Variants in NXPE4 observed in about 807,000 individuals in gnomAD.
NXPE4 encodes NXPE family member 4.
A neutral mutation model predicts 33.3 loss-of-function variants in NXPE4; 42 were observed. The ratio of observed to expected loss-of-function variants is 1.26; its 90% CI spans 0.98 to 1.63. NXPE4 has a LOEUF of 1.63. NXPE4 is among the 40% of genes most tolerant of loss of function. The pLI, the probability that NXPE4 is intolerant of heterozygous loss-of-function variation, is 0.00. For missense variants in NXPE4, 709 were observed against 647.6 expected, an observed-to-expected ratio of 1.09 and a Z score of -1.03; for synonymous variants, 253 against 234.9, an observed-to-expected ratio of 1.08 and a Z score of -0.71.
chr11:114,626,406 A>G, the NXPE4 span, among the ~76,000 whole-genome samples: 4 of 152,204 alleles, frequency 2.6e-5, no homozygotes, highest in Non-Finnish European at 4.4e-5. Flanking sequence ...GCACCCCCCA[A>G]CAGGGGCAGA....
At chr11:114,664,657 T>C in the NXPE4 span, among the ~76,000 whole-genome samples, 2 of 152,124 alleles carry the variant, frequency 1.3e-5, no homozygotes. Context: ...CCCCAACTTG[T>C]GAGGGTTTGA....
chr11:114,577,043 A>C (rs1486425855), intron 5 of NXPE4, among the ~76,000 whole-genome samples: 7 of 30,078 alleles, frequency 2.3e-4, no homozygotes, highest in Non-Finnish European at 4.4e-4. Context: ...ATATATATAA[A>C]GTTATATATA....
chr11:114,631,927 G>A, the NXPE4 span, among the ~76,000 whole-genome samples: 45 of 150,952 alleles, frequency 3.0e-4, no homozygotes, highest in African/African-American at 1.1e-3. Context: ...GTTACCCGGT[G>A]GATAATAAAT....
At chr11:114,618,483 TAA>T in the NXPE4 span, among the ~76,000 whole-genome samples, 1 of 152,026 alleles carries the variant, frequency 6.6e-6, no homozygotes, top group South Asian at 2.1e-4. Context: ...CTGTGGATAA[TAA>T]GTGTTGCCTC....
the NXPE4 span, among the ~76,000 whole-genome samples, chr11:114,662,711 C>T: frequency 6.6e-6 from 1 of 152,122 alleles, no homozygotes; most frequent in Non-Finnish European, 1.5e-5. Flanking sequence ...CCAGCTCAGT[C>T]ACAGCAGGAT....
chr11:114,614,258 T>G, the NXPE4 span, among the ~76,000 whole-genome samples: 4 of 151,484 alleles, frequency 2.6e-5, no homozygotes, highest in Non-Finnish European at 5.9e-5. Flanking sequence ...CTGTGGATAG[T>G]AAGTATTGCT....
At chr11:114,599,858 A>G (rs1268615105), upstream of NXPE4, among the ~76,000 whole-genome samples, 2 of 152,194 alleles carry the variant, frequency 1.3e-5, no homozygotes, top group South Asian at 2.1e-4. Flanking sequence ...ACTGGGGATT[A>G]GAATTCAACA....
the NXPE4 span, among the ~76,000 whole-genome samples, chr11:114,665,523 G>C: frequency 6.6e-6 from 1 of 152,146 alleles, no homozygotes; most frequent in African/African-American, 2.4e-5. Flanking sequence ...CTCAAAGCAT[G>C]CAAAGAGTTA....
At chr11:114,666,511 A>G in the NXPE4 span, among the ~76,000 whole-genome samples, 4 of 152,180 alleles carry the variant, frequency 2.6e-5, no homozygotes, top group African/African-American at 7.2e-5. Flanking sequence ...GAACTTTCAA[A>G]GAAAAGGTAA....
the NXPE4 span, among the ~76,000 whole-genome samples, chr11:114,633,108 A>T: frequency 8.3e-6 from 1 of 120,566 alleles, no homozygotes; most frequent in Non-Finnish European, 1.6e-5. Context: ...TATATTTTAC[A>T]TTATATTTTA....
the NXPE4 span, among the ~76,000 whole-genome samples, chr11:114,646,630 T>C: frequency 6.6e-6 from 1 of 152,120 alleles, no homozygotes; most frequent in Non-Finnish European, 1.5e-5. Context: ...TAACAAGTAT[T>C]TTTACTATAA....
At chr11:114,666,038 C>T in the NXPE4 span, among the ~76,000 whole-genome samples, 1 of 152,108 alleles carries the variant, frequency 6.6e-6, no homozygotes, top group Admixed American at 6.6e-5. Flanking sequence ...TATCCTGCAT[C>T]TTATGAGAAT....
At chr11:114,640,888 C>T in the NXPE4 span, among the ~76,000 whole-genome samples, 1 of 151,946 alleles carries the variant, frequency 6.6e-6, no homozygotes, top group Non-Finnish European at 1.5e-5. Context: ...CAAATATTTT[C>T]TCTCATTTTG....
chr11:114,579,506 GCTTTA>G (rs1949087976), intron 5 of NXPE4, among the ~76,000 whole-genome samples: 1 of 152,210 alleles, frequency 6.6e-6, no homozygotes, highest in African/African-American at 2.4e-5. Flanking sequence ...CCAAGCCCAT[GCTTTA>G]CTTGTGTCTA....
chr11:114,586,824 C>T, intron 2 of NXPE4, among the ~76,000 whole-genome samples: 1 of 152,138 alleles, frequency 6.6e-6, no homozygotes, highest in Non-Finnish European at 1.5e-5. Context: ...TCTCTGTATG[C>T]AATGCTTTAA....
chr11:114,619,833 C>T, the NXPE4 span, among the ~76,000 whole-genome samples: 6 of 151,876 alleles, frequency 4.0e-5, no homozygotes, highest in African/African-American at 1.5e-4. Context: ...TAAGTGTTGC[C>T]TCGTTGGTAA....
At chr11:114,601,666 A>G in the NXPE4 span, among the ~76,000 whole-genome samples, 1 of 58,960 alleles carries the variant, frequency 1.7e-5, no homozygotes, top group African/African-American at 8.0e-5. Flanking sequence ...ATAAATAATT[A>G]TATATTATAA....
intron 2 of NXPE4, 26 bp from the exon 3 acceptor site, chr11:114,583,047 A>G: frequency 2.5e-6 from 4 of 1,581,980 alleles, no homozygotes; most frequent in Non-Finnish European, 3.4e-6. Context: ...ATGTGACATG[A>G]GATGGATAAA....
the NXPE4 span, among the ~76,000 whole-genome samples, chr11:114,602,276 CTA>C: frequency 8.4e-4 from 96 of 113,780 alleles, no homozygotes; most frequent in South Asian, 1.5e-3. Flanking sequence ...ATATATTATA[CTA>C]TATATATGTT....
Sources: allele counts gnomAD v4.1 joint callset (sites outside exome capture counted in the v4.1 genomes callset), GRCh38; gene constraint gnomAD v4.1.1; transcripts MANE v1.5; gene names NCBI Gene and HGNC (gene_info 2026-07-23, HGNC 2026-07-21).